ARG2: variants seen among roughly 807,000 people sequenced by gnomAD.
ARG2 encodes the protein arginase-2, mitochondrial.
ARG2 carries 21 observed loss-of-function variants against 39.4 expected under a neutral mutation model. The observed-to-expected ratio is 0.53, with a 90% CI of 0.38 to 0.77. The LOEUF (loss-of-function observed/expected upper bound fraction) is 0.77, where lower values mean the gene tolerates loss of function less well. Ranked by LOEUF, ARG2 falls within the 30% of genes least tolerant of loss-of-function variation. The pLI is 0.00. For synonymous variants in ARG2, 150 were observed against 156.7 expected (o/e 0.96, Z 0.32); for missense variants, 378 against 426.2 (o/e 0.89, Z 1.00).
At chr14:67,640,394 A>G (rs1358084782) in intron 2 of ARG2, among the ~76,000 whole-genome samples, 1 of 152,226 alleles carries the variant, frequency 6.6e-6, no homozygotes, top group Non-Finnish European at 1.5e-5. Flanking sequence ...AGAATAGGAC[A>G]AAGTTTTCTG....
rs1262107337 is a variant in ARG2 at position 67,646,911 on chromosome 14, C to T, written c.618-10C>T. 6.5e-7 allele frequency: 1 copy of T among 1,543,694 alleles called. No homozygotes were observed. The highest frequency in any genetic ancestry group is 1.4e-5 in the African/African-American group (1 of 73,362). On this transcript the variant is annotated splice_polypyrimidine_tract_variant and intron_variant, in intron 5 of 7. Coordinates refer to ENST00000261783, the MANE Select transcript of ARG2 (RefSeq NM_001172.4). ...AAACTAAGGACTCCTCCCTTTATAT[C>T]TCATCACAGTTTTATTTTAAAGAAC... is the stretch of plus-strand genomic sequence containing the variant.
chr14:67,624,874 C>T (rs1229788138), intron 2 of ARG2, among the ~76,000 whole-genome samples: 1 of 152,194 alleles, frequency 6.6e-6, no homozygotes, highest in Non-Finnish European at 1.5e-5. Flanking sequence ...AGAATTGTGG[C>T]ATTTTAACTT....
intron 2 of ARG2, among the ~76,000 whole-genome samples, chr14:67,634,886 G>A (rs1447047407): frequency 6.6e-6 from 1 of 152,186 alleles, no homozygotes; most frequent in Non-Finnish European, 1.5e-5. Context: ...GATGTTACAA[G>A]GGCTGGTTGG....
intron 2 of ARG2, among the ~76,000 whole-genome samples, chr14:67,638,506 A>G (rs2036996226): frequency 6.6e-6 from 1 of 152,188 alleles, no homozygotes; most frequent in Non-Finnish European, 1.5e-5. Flanking sequence ...AGTACAAACT[A>G]TTTGTCATAG....
chr14:67,644,655 A>C (rs751864820), intron 3 of ARG2, among the ~76,000 whole-genome samples: 2 of 152,214 alleles, frequency 1.3e-5, no homozygotes, highest in Non-Finnish European at 2.9e-5. Flanking sequence ...TGGCTAATGT[A>C]AGCAGAGCCC....
At chr14:67,631,564 T>G (rs1232162597) in intron 2 of ARG2, among the ~76,000 whole-genome samples, 1 of 151,360 alleles carries the variant, frequency 6.6e-6, no homozygotes, top group African/African-American at 2.4e-5. Context: ...GCCTCCCAAG[T>G]AGCTGGAACT....
intron 2 of ARG2, among the ~76,000 whole-genome samples, chr14:67,633,507 A>G (rs1480030059): frequency 6.6e-6 from 1 of 152,164 alleles, no homozygotes; most frequent in Non-Finnish European, 1.5e-5. Context: ...ACATATCCCA[A>G]ACTGACCTTA....
chr14:67,642,294 A>G lies in ARG2; in HGVS notation c.293A>G (p.Glu98Gly), dbSNP rs1316065770. 3 of 1,614,148 alleles carry G rather than the reference A, an allele frequency of 1.9e-6. No individual in the cohort carries two copies. The highest frequency in any genetic ancestry group is 2.5e-6 in the Non-Finnish European group (3 of 1,180,010). ...NPRSVGLANQELAEVVSRAVS... is the reference protein window; with the variant it reads ...NPRSVGLANQGLAEVVSRAVS... ...CGCTCAGTGGGTCTTGCCAACCAGG[A>G]ACTGGCTGAGGTGGTTAGCAGAGCT... is the stretch of plus-strand genomic sequence containing the variant. Residue 98 changes from glutamate to glycine, a missense_variant, in exon 3 of 8, where the codon GAA becomes GGA. By Grantham distance (98) the Glu-to-Gly change is moderately conservative. Coordinates refer to ENST00000261783, the MANE Select transcript of ARG2 (RefSeq NM_001172.4).
In ARG2 at chr14:67,645,627, T is replaced by C. The variant is rs1278091763; in HGVS notation, c.363-16T>C. 4 of 1,611,230 alleles carry C rather than the reference T, an allele frequency of 2.5e-6. No homozygotes were observed. Among genetic ancestry groups the C allele is most frequent in the East Asian group, 2.2e-5 (1 of 44,850 alleles). ...GCCAAGCAGAGGGCCTTCAAGATTA[T>C]ACTTGTTCTTTGCAGCCTGGCAATC... On this transcript the variant is annotated splice_polypyrimidine_tract_variant and intron_variant, in intron 3 of 7. Coordinates refer to ENST00000261783, the MANE Select transcript of ARG2 (RefSeq NM_001172.4).
intron 2 of ARG2, among the ~76,000 whole-genome samples, chr14:67,628,684 T>A (rs1300964234): frequency 1.3e-5 from 2 of 152,242 alleles, no homozygotes; most frequent in African/African-American, 4.8e-5. Context: ...AAGCAAATTT[T>A]GACCACCTCA....
At position 67,650,855 on chromosome 14, in the gene ARG2, T is replaced by C; in HGVS notation, c.1000T>C (p.Tyr334His). 1.2e-6 allele frequency: 2 copies of C among 1,614,210 alleles called. No homozygotes were observed. The highest frequency in any genetic ancestry group is 1.7e-6 in the Non-Finnish European group (2 of 1,180,020). The change falls in exon 8 of 8, where the codon TAT (tyrosine) becomes CAT (histidine). Residue 334 changes from tyrosine to histidine, a missense_variant. By Grantham distance (83) the Tyr-to-His change is moderately conservative. Coordinates refer to ENST00000261783, the MANE Select transcript of ARG2 (RefSeq NM_001172.4). ...GQTREGGHIV[Y>H]DQLPTPSSPD... ...GACAAGAGAAGGAGGGCATATTGTC[T>C]ATGACCAACTTCCTACTCCCAGTTC...
At chr14:67,643,997 A>C (rs1467433796) in intron 3 of ARG2, among the ~76,000 whole-genome samples, 1 of 152,022 alleles carries the variant, frequency 6.6e-6, no homozygotes, top group Non-Finnish European at 1.5e-5. Context: ...TAGTCTCTGG[A>C]AATTTATTAA....
intron 2 of ARG2, among the ~76,000 whole-genome samples, chr14:67,625,530 A>G (rs1465202016): frequency 2.0e-5 from 3 of 151,912 alleles, no homozygotes; most frequent in South Asian, 2.1e-4. Flanking sequence ...ACAAAAAAAA[A>G]TTAGCCGGGC....
chr14:67,631,334 T>C (rs1016584258), intron 2 of ARG2, among the ~76,000 whole-genome samples: 2 of 152,164 alleles, frequency 1.3e-5, no homozygotes, highest in Admixed American at 1.3e-4. Context: ...CAGTGTAACA[T>C]TCACCTTATT....
intron 1 of ARG2, 34 bp from the exon 2 acceptor site, chr14:67,620,860 C>T: frequency 6.2e-7 from 1 of 1,612,616 alleles, no homozygotes; most frequent in Non-Finnish European, 8.5e-7. Flanking sequence ...GACACCTTCT[C>T]TACCTCTAAT....
chr14:67,650,009 T>C (rs1028411940), intron 7 of ARG2: 3 of 152,298 alleles, frequency 2.0e-5, no homozygotes, highest in Non-Finnish European at 2.9e-5. Flanking sequence ...ACCGAGAACT[T>C]TGACACAAGT....
chr14:67,631,099 C>T (rs942127956), intron 2 of ARG2, among the ~76,000 whole-genome samples: 11 of 152,162 alleles, frequency 7.2e-5, no homozygotes, highest in Admixed American at 2.0e-4. Context: ...CCTGTCCTTT[C>T]GGTAATTAAT....
intron 3 of ARG2, among the ~76,000 whole-genome samples, chr14:67,643,285 G>T (rs569742695): frequency 6.6e-6 from 1 of 152,240 alleles, no homozygotes; most frequent in Non-Finnish European, 1.5e-5. Flanking sequence ...AATATACATG[G>T]AATAAACAAA....
At position 67,620,016 on chromosome 14, in the gene ARG2, G is replaced by A. The variant is rs1424116071; in HGVS notation, c.39G>A (p.Thr13=). The change falls in exon 1 of 8, where the codon ACG becomes ACA. Residue 13 remains threonine (T), a synonymous_variant. Coordinates refer to ENST00000261783, the MANE Select transcript of ARG2 (RefSeq NM_001172.4). ...LRGSLSRLLQ[T]RVHSILKKSV... ...GCAGCCTCTCGCGTCTCCTCCAGAC[G>A]CGAGTGCATTCCATCCTGAAGAAAT... The A allele has an allele frequency of 4.3e-6, 7 of 1,611,142 alleles. No individual in the cohort carries two copies. Among genetic ancestry groups the A allele is most frequent in the Non-Finnish European group, 4.2e-6 (5 of 1,178,818 alleles).
Sources: allele counts gnomAD v4.1 joint callset (sites outside exome capture counted in the v4.1 genomes callset), GRCh38; gene constraint gnomAD v4.1.1; transcripts MANE v1.5; gene names NCBI Gene and HGNC (gene_info 2026-07-23, HGNC 2026-07-21).